ASPG: variants seen among roughly 807,000 people sequenced by gnomAD.
ASPG encodes the protein asparaginase, also known as 60 kDa lysophospholipase.
In ASPG, 53 loss-of-function variants were observed where a neutral mutation model predicts 63.2. The ratio of observed to expected loss-of-function variants is 0.84; its 90% confidence interval spans 0.67 to 1.05. The LOEUF (loss-of-function observed/expected upper bound fraction) is 1.05. Ranked by LOEUF, ASPG falls within the 50% of genes least tolerant of loss-of-function variation. The pLI is 0.00. For synonymous variants in ASPG, 370 were observed against 355.0 expected (o/e 1.04, Z -0.48); for missense variants, 741 against 794.4 (o/e 0.93, Z 0.81).
rs917294246 is a variant in ASPG at position 104,112,661 on chromosome 14, G to GA, written c.*119dup. ...CCCAGCCTGCTCTCATGTAAAGCCTGAAGGCCTTTGTTGGGCAGGACGGCA... is the reference window on the plus strand; with the variant it reads ...CCCAGCCTGCTCTCATGTAAAGCCTGAAAGGCCTTTGTTGGGCAGGACGGCA... On this transcript the variant is annotated 3_prime_UTR_variant, in exon 16 of 16. Coordinates refer to ENST00000551177, the MANE Select transcript of ASPG (RefSeq NM_001080464.3). 6.5e-7 allele frequency: 1 copy of GA among 1,541,988 alleles called. No individual in the cohort carries two copies. The highest frequency in any genetic ancestry group is 8.7e-7 in the Non-Finnish European group (1 of 1,148,816).
intron 2 of ASPG, 96 bp downstream of exon 2, chr14:104,092,837 T>A: frequency 2.0e-6 from 2 of 1,023,190 alleles, no homozygotes; most frequent in Non-Finnish European, 2.9e-6. Context: ...ACGTGAGCCA[T>A]TTGCTCACCC....
intron 6 of ASPG, among the ~76,000 whole-genome samples, chr14:104,099,962 GC>G (rs1011968289): frequency 2.2e-4 from 33 of 152,176 alleles, no homozygotes; most frequent in African/African-American, 7.7e-4. Context: ...GGGTGGAGGC[GC>G]CCCCTCACCC....
At position 104,104,430 on chromosome 14, in the gene ASPG, G is replaced by A. The variant is rs373529574; in HGVS notation, c.880G>A (p.Val294Ile). The change falls in exon 8 of 16, where the codon GTC (valine) becomes ATC (isoleucine). Residue 294 changes from valine to isoleucine, a missense_variant. Val to Ile is a conservative substitution (Grantham distance 29). Transcript: ENST00000551177. The part of the protein sequence containing the change: ...RVATERGLVI[V>I]NCTHCLQGAV... ...GGCCACCGAGCGCGGCCTGGTCATC[G>A]TCAACTGTACCCACTGCCTCCAGGG... is the stretch of plus-strand genomic sequence containing the variant. 15 of 1,612,444 alleles carry A rather than the reference G, an allele frequency of 9.3e-6. No individual in the cohort carries two copies. Among genetic ancestry groups the A allele is most frequent in the African/African-American group, 1.3e-5 (1 of 74,940 alleles).
chr14:104,097,869 G>A (rs113100441), intron 5 of ASPG, among the ~76,000 whole-genome samples: 2 of 133,928 alleles, frequency 1.5e-5, no homozygotes, highest in African/African-American at 5.6e-5. Flanking sequence ...GAGGTTCTAC[G>A]TTAGAGATAC....
chr14:104,111,867 C>T, intron 14 of ASPG, 53 bp from the exon 15 acceptor site: 1 of 1,515,564 alleles, frequency 6.6e-7, no homozygotes, highest in Non-Finnish European at 8.9e-7. Context: ...ATCCTTGGGC[C>T]AGGCTGCTAG....
chr14:104,087,708 T>C (rs1195111266), intron 1 of ASPG, among the ~76,000 whole-genome samples: 3 of 152,132 alleles, frequency 2.0e-5, no homozygotes, highest in Non-Finnish European at 4.4e-5. Context: ...TGCAGTTTCG[T>C]TGAGCTCAAC....
At position 104,105,313 on chromosome 14, in the gene ASPG, T is replaced by C; in HGVS notation, c.1051-15T>C. On this transcript the variant is annotated splice_polypyrimidine_tract_variant and intron_variant, in intron 9 of 15. Coordinates refer to ENST00000551177, the MANE Select transcript of ASPG (RefSeq NM_001080464.3). ...AGCCCTGGCAGAGCCACTTCACCTC[T>C]GTTCTCTCCACCAGCTGCTGACCAA... is the stretch of plus-strand genomic sequence containing the variant. The C allele has an allele frequency of 6.2e-7, 1 of 1,612,548 alleles. No individual in the cohort carries two copies. Among genetic ancestry groups the C allele is most frequent in the Non-Finnish European group, 8.5e-7 (1 of 1,179,728 alleles).
intron 6 of ASPG, among the ~76,000 whole-genome samples, chr14:104,100,583 G>A (rs561294699): frequency 1.4e-4 from 22 of 152,206 alleles, no homozygotes; most frequent in Admixed American, 3.3e-4. Flanking sequence ...TCCTGTCCTG[G>A]GCTCACACCC....
rs1015361222 is a variant in ASPG, at chr14:104,097,370, C to T, written c.430-184C>T. Among the ~76,000 whole-genome samples the T allele has an allele frequency of 3.3e-5, 5 of 152,274 alleles. No homozygotes were observed. In the South Asian group the frequency reaches 1.0e-3, roughly 32 times the overall value. ...GCTTACTGCCCAGCTCCTCTGAGTG[C>T]CCCGTTCCCCCAAGGCACCCATCTC... On this transcript the variant is annotated intron_variant, in intron 4 of 15. Transcript: ENST00000551177.
chr14:104,097,285 C>T (rs1186132541), intron 4 of ASPG, among the ~76,000 whole-genome samples: 6 of 152,118 alleles, frequency 3.9e-5, no homozygotes, highest in Admixed American at 3.3e-4. Context: ...TGGGTTGAGG[C>T]CCTGGGTGCA....
At chr14:104,090,076 G>A (rs528495056) in intron 1 of ASPG, among the ~76,000 whole-genome samples, 1 of 152,070 alleles carries the variant, frequency 6.6e-6, no homozygotes, top group Non-Finnish European at 1.5e-5. Flanking sequence ...CAAAATTCTG[G>A]GATTACAGGT....
intron 12 of ASPG, chr14:104,108,416 C>T (rs966692561): frequency 1.4e-5 from 14 of 985,378 alleles, no homozygotes; most frequent in Non-Finnish European, 1.7e-5. Context: ...TCACAGCACG[C>T]CCCCAACCGG....
chr14:104,107,792 G>C (rs2037202917), intron 12 of ASPG, among the ~76,000 whole-genome samples: 1 of 152,266 alleles, frequency 6.6e-6, no homozygotes, highest in African/African-American at 2.4e-5. Flanking sequence ...CAGCAGCAGA[G>C]ACGGAGTGTG....
At chr14:104,099,415 C>T (rs1191977489) in intron 6 of ASPG, among the ~76,000 whole-genome samples, 3 of 152,168 alleles carry the variant, frequency 2.0e-5, no homozygotes, top group South Asian at 2.1e-4. Context: ...CTGACTCGAG[C>T]GATCCTGTGT....
At chr14:104,098,788 TG>T in intron 5 of ASPG, 64 bp from the exon 6 acceptor site, 2 of 1,582,400 alleles carry the variant, frequency 1.3e-6, no homozygotes. Context: ...GGGAGGAAGC[TG>T]GAGGGCAGAT....
At position 104,107,291 on chromosome 14, in the gene ASPG, T is replaced by C. The variant is rs2037176594; in HGVS notation, c.1379T>C (p.Val460Ala). ...ATGCTGCTGCAGAGAGGTGTGGACG[T>C]GAACACCCGGGACACGGATGGCTTC... is the stretch of plus-strand genomic sequence containing the variant. ...VTMLLQRGVD[V>A]NTRDTDGFSP... The change falls in exon 12 of 16, where the codon GTG becomes GCG. Residue 460 changes from valine to alanine, a missense_variant. Transcript: ENST00000551177. The C allele has an allele frequency of 1.1e-5, 18 of 1,607,518 alleles. No individual in the cohort carries two copies. The highest frequency in any genetic ancestry group is 1.5e-5 in the Non-Finnish European group (18 of 1,176,524).
intron 1 of ASPG, among the ~76,000 whole-genome samples, chr14:104,089,223 C>T (rs1160494340): frequency 6.6e-6 from 1 of 152,082 alleles, no homozygotes; most frequent in Non-Finnish European, 1.5e-5. Context: ...AAAGAAATTG[C>T]CCCAGCTGAC....
chr14:104,091,725 G>A lies in ASPG; in HGVS notation c.83-908G>A, dbSNP rs1357585583. Among the ~76,000 whole-genome samples, 1 of 151,690 alleles carries A rather than the reference G, an allele frequency of 6.6e-6. No homozygotes were observed. Among genetic ancestry groups the A allele is most frequent in the Non-Finnish European group, 1.5e-5 (1 of 67,930 alleles). On this transcript the variant is annotated intron_variant, in intron 1 of 15. Transcript: ENST00000551177. The surrounding 1 kb of genome is among the most constrained non-coding windows in gnomAD (Gnocchi z 6.4). ...GTTAATTTGTGAGCCAGTGATAGGC[G>A]ATGGGTACAGCTGCAGAGGGCGAGG...
At chr14:104,088,321 G>A (rs2036273775) in intron 1 of ASPG, among the ~76,000 whole-genome samples, 1 of 152,218 alleles carries the variant, frequency 6.6e-6, no homozygotes, top group East Asian at 1.9e-4. Context: ...AGAGTTCAGG[G>A]AGGGCAGAGG....
Sources: allele counts gnomAD v4.1 joint callset (sites outside exome capture counted in the v4.1 genomes callset), GRCh38; gene constraint gnomAD v4.1.1; non-coding constraint Gnocchi (gnomAD v3.1); transcripts MANE v1.5; gene names NCBI Gene and HGNC (gene_info 2026-07-23, HGNC 2026-07-21).